MECR: variants seen among roughly 807,000 people sequenced by gnomAD.
MECR encodes the protein mitochondrial trans-2-enoyl-CoA reductase.
A neutral mutation model predicts 49.1 loss-of-function variants in MECR; 37 were observed. That is an observed-to-expected ratio of 0.75 (90% CI 0.58 to 0.99). MECR has a LOEUF of 0.99. Among genes scored for constraint, MECR ranks in the 50% least tolerant of loss-of-function variants. MECR has a pLI of 0.00. For missense variants in MECR, 470 were observed against 479.6 expected, an observed-to-expected ratio of 0.98 and a Z score of 0.19; for synonymous variants, 198 against 191.1, an observed-to-expected ratio of 1.04 and a Z score of -0.30.
chr1:29,195,471 T>A (rs1251177947), intron 9 of MECR, among the ~76,000 whole-genome samples: 2 of 152,134 alleles, frequency 1.3e-5, no homozygotes, highest in Non-Finnish European at 2.9e-5. Context: ...TGCAGGGAGG[T>A]GACTTTGGGC....
chr1:29,230,766 G>C lies in MECR; in HGVS notation c.141C>G (p.Val47=), dbSNP rs1321523100. 1.9e-6 allele frequency: 3 copies of C among 1,596,474 alleles called. No individual in the cohort carries two copies. Among genetic ancestry groups the C allele is most frequent in the Non-Finnish European group, 2.6e-6 (3 of 1,172,198 alleles). Residue 47 remains valine (V), a synonymous_variant, in exon 1 of 10, where the codon GTC becomes GTG. Coordinates refer to ENST00000263702, the MANE Select transcript of MECR (RefSeq NM_016011.5). ...TGGCTGGATCCCCGTGGTGCCCATA[G>C]ACAAGCGCCCGGACCCGGGCAGGCT... The part of the protein sequence containing the change: ...SAEPARVRAL[V]YGHHGDPAKV...
chr1:29,204,985 C>T (rs2819604), intron 4 of MECR, among the ~76,000 whole-genome samples: 104,028 of 152,164 alleles, frequency 0.68, 37,133 homozygotes, highest in Non-Finnish European at 0.8. Context: ...CTGTGGGCCT[C>T]AGTTTCTTCG....
intron 1 of MECR, among the ~76,000 whole-genome samples, chr1:29,220,240 A>AC (rs1448264171): frequency 1.3e-5 from 2 of 151,060 alleles, no homozygotes; most frequent in East Asian, 1.9e-4. Flanking sequence ...AAAAAAAAAA[A>AC]AAATACAAAA....
At chr1:29,186,398 T>C in the MECR span, among the ~76,000 whole-genome samples, 2 of 152,324 alleles carry the variant, frequency 1.3e-5, no homozygotes, top group Middle Eastern at 3.4e-3. Context: ...GTGTTGTTTG[T>C]CATATTTCAC....
At chr1:29,217,636 G>A (rs1162749896) in intron 1 of MECR, among the ~76,000 whole-genome samples, 1 of 152,110 alleles carries the variant, frequency 6.6e-6, no homozygotes, top group African/African-American at 2.4e-5. Context: ...AAATTATCAG[G>A]CCCACCTCTG....
intron 1 of MECR, 60 bp from the exon 2 acceptor site, chr1:29,216,745 C>G (rs1047891634): frequency 1.9e-6 from 3 of 1,612,106 alleles, no homozygotes; most frequent in Non-Finnish European, 2.5e-6. Context: ...GTGTTTCGCT[C>G]AAATCATCTC....
intron 1 of MECR, among the ~76,000 whole-genome samples, chr1:29,227,977 G>A (rs1264127758): frequency 6.6e-6 from 1 of 152,138 alleles, no homozygotes; most frequent in South Asian, 2.1e-4. Flanking sequence ...CTGGGCAGCA[G>A]AGTCACCTGG....
At chr1:29,181,514 C>A in the MECR span, 1 of 741,384 alleles carries the variant, frequency 1.3e-6, no homozygotes, top group Non-Finnish European at 2.0e-6. Context: ...CGAGGCGCCG[C>A]CACTATGGCG....
intron 7 of MECR, chr1:29,200,299 T>C: frequency 2.4e-6 from 1 of 411,470 alleles, no homozygotes; most frequent in Non-Finnish European, 4.4e-6. Flanking sequence ...CTTGGAAAAA[T>C]AAAGCTGGAT....
chr1:29,179,042 C>G, the MECR span, among the ~76,000 whole-genome samples: 6 of 152,108 alleles, frequency 3.9e-5, no homozygotes, highest in Non-Finnish European at 8.8e-5. Context: ...ATGAACAGTT[C>G]CTTAAAAAAA....
At chr1:29,198,529 A>G (rs1674558294) in intron 7 of MECR, among the ~76,000 whole-genome samples, 1 of 152,180 alleles carries the variant, frequency 6.6e-6, no homozygotes, top group African/African-American at 2.4e-5. Flanking sequence ...ATAGGGCTGA[A>G]GCGGTGTGCT....
chr1:29,187,197 C>G, the MECR span, among the ~76,000 whole-genome samples: 3 of 152,134 alleles, frequency 2.0e-5, no homozygotes, highest in Non-Finnish European at 4.4e-5. Flanking sequence ...CTGGCACACA[C>G]AGGTTAACGC....
chr1:29,210,012 C>CTTT (rs11364584), intron 3 of MECR, among the ~76,000 whole-genome samples: 1 of 141,368 alleles, frequency 7.1e-6, no homozygotes, highest in Admixed American at 7.1e-5. Flanking sequence ...GGCAGGAACA[C>CTTT]TTTTTTTTTT....
chr1:29,212,378 A>G (rs1268482195), intron 3 of MECR, among the ~76,000 whole-genome samples: 6 of 152,182 alleles, frequency 3.9e-5, no homozygotes, highest in African/African-American at 1.4e-4. Context: ...GTGAGCCAAG[A>G]TTGCACCAGC....
chr1:29,188,567 A>ACAGGGAGAGATGGCAGAGT (rs1423686784), downstream of MECR, among the ~76,000 whole-genome samples: 1 of 152,000 alleles, frequency 6.6e-6, no homozygotes, highest in Non-Finnish European at 1.5e-5. Context: ...CCAGAAGAGG[A>ACAGGGAGAGATGGCAGAGT]CAGGGAGAGA....
chr1:29,176,068 C>T, the MECR span, among the ~76,000 whole-genome samples: 4 of 151,888 alleles, frequency 2.6e-5, no homozygotes, highest in African/African-American at 4.8e-5. Flanking sequence ...CTGCCTAACA[C>T]GGTGAAACCC....
At chr1:29,229,520 C>T (rs895837856) in intron 1 of MECR, among the ~76,000 whole-genome samples, 1 of 152,156 alleles carries the variant, frequency 6.6e-6, no homozygotes, top group Non-Finnish European at 1.5e-5. Flanking sequence ...TGAATTTTAA[C>T]CATTAAAGTA....
At chr1:29,226,713 A>G (rs562979360) in intron 1 of MECR, among the ~76,000 whole-genome samples, 76 of 152,248 alleles carry the variant, frequency 5.0e-4, no homozygotes, top group African/African-American at 1.8e-3. Context: ...GTGCCTTTCA[A>G]TCTACTTGAG....
the MECR span, among the ~76,000 whole-genome samples, chr1:29,187,549 G>A: frequency 6.6e-6 from 1 of 151,828 alleles, no homozygotes; most frequent in South Asian, 2.1e-4. Flanking sequence ...CTTCCCCTGA[G>A]GAAAGTGTGC....
Sources: allele counts gnomAD v4.1 joint callset (sites outside exome capture counted in the v4.1 genomes callset), GRCh38; gene constraint gnomAD v4.1.1; transcripts MANE v1.5; gene names NCBI Gene and HGNC (gene_info 2026-07-23, HGNC 2026-07-21).